Variants in EIF4E3 observed in about 807,000 individuals in gnomAD.
EIF4E3 encodes eukaryotic translation initiation factor 4E type 3.
Under a neutral mutation model 31.7 loss-of-function variants are expected in EIF4E3, and 26 were observed. That is an observed-to-expected ratio of 0.82 (90% confidence interval 0.60 to 1.14). The LOEUF (loss-of-function observed/expected upper bound fraction) is 1.14, where lower values mean the gene tolerates loss of function less well. EIF4E3 is among the 50% of genes most tolerant of loss of function. The pLI, the probability that EIF4E3 is intolerant of heterozygous loss-of-function variation, is 0.00. For synonymous variants in EIF4E3, 128 were observed against 107.7 expected (o/e 1.19, Z -1.17); for missense variants, 304 against 270.9 (o/e 1.12, Z -0.86).
chr3:71,683,131 G>A lies in EIF4E3; in HGVS notation c.*1551C>T, dbSNP rs2048943847. 1 of 152,026 alleles carries A rather than the reference G, an allele frequency of 6.6e-6. No homozygotes were observed. The highest frequency in any genetic ancestry group is 2.1e-4 in the South Asian group (1 of 4,830). The allele number at this position is 152,026 out of a possible 1,614,324, so 9.4% of individuals were successfully genotyped here. A position where few individuals can be genotyped will look rare whatever the true frequency, so the allele number is the denominator to read the frequency against. On this transcript the variant is annotated 3_prime_UTR_variant, in exon 7 of 7. Transcript: ENST00000425534. ...CATTTTAAGAAACCTATGATGGTAA[G>A]TATTATGGCTGAGGTGGTTACTAAC...
At chr3:71,710,728 A>C (rs1357572921) in intron 1 of EIF4E3, among the ~76,000 whole-genome samples, 1 of 152,220 alleles carries the variant, frequency 6.6e-6, no homozygotes, top group Non-Finnish European at 1.5e-5. Flanking sequence ...AAAGATAAGT[A>C]TGTATTAATA....
chr3:71,745,222 C>T (rs752541348), intron 1 of EIF4E3, among the ~76,000 whole-genome samples: 50 of 152,292 alleles, frequency 3.3e-4, no homozygotes, highest in Middle Eastern at 3.4e-3. Context: ...TAAATAAAAA[C>T]CCAATGCAAA....
chr3:71,667,499 ACCC>A, the EIF4E3 span, among the ~76,000 whole-genome samples: 2 of 151,708 alleles, frequency 1.3e-5, no homozygotes, highest in African/African-American at 4.8e-5. Context: ...TAGTTAGAAA[ACCC>A]CCCATTGTCT....
chr3:71,724,685 C>A (rs964149579), intron 1 of EIF4E3, among the ~76,000 whole-genome samples: 4 of 152,206 alleles, frequency 2.6e-5, no homozygotes, highest in Non-Finnish European at 4.4e-5. Flanking sequence ...ACGGCAGCAG[C>A]GGCCGGACAC....
chr3:71,749,432 C>G (rs1356876159), intron 1 of EIF4E3, among the ~76,000 whole-genome samples: 4 of 152,220 alleles, frequency 2.6e-5, no homozygotes, highest in East Asian at 1.9e-4. Flanking sequence ...TAGACTTTGG[C>G]TCACTTTTTC....
At chr3:71,685,838 C>A (rs187008769) in intron 6 of EIF4E3, among the ~76,000 whole-genome samples, 6 of 152,310 alleles carry the variant, frequency 3.9e-5, no homozygotes, top group African/African-American at 1.2e-4. Flanking sequence ...CAGGAAGCAA[C>A]GTCTGATAAA....
intron 2 of EIF4E3, among the ~76,000 whole-genome samples, chr3:71,705,610 C>T (rs761656784): frequency 2.4e-4 from 37 of 152,094 alleles, no homozygotes; most frequent in Admixed American, 2.4e-3. Context: ...GGCGATACAC[C>T]AAATAACTGA....
intron 1 of EIF4E3, among the ~76,000 whole-genome samples, chr3:71,711,146 G>T (rs2049372993): frequency 6.6e-6 from 1 of 152,194 alleles, no homozygotes; most frequent in Non-Finnish European, 1.5e-5. Flanking sequence ...TTAGTCACCA[G>T]AAACACTGCA....
At chr3:71,716,474 C>G (rs894959650) in intron 1 of EIF4E3, among the ~76,000 whole-genome samples, 2 of 152,160 alleles carry the variant, frequency 1.3e-5, no homozygotes, top group African/African-American at 4.8e-5. Context: ...ACCTCGTGAT[C>G]CACCTGCCTC....
intron 1 of EIF4E3, among the ~76,000 whole-genome samples, chr3:71,735,913 A>G (rs1189984253): frequency 1.3e-5 from 2 of 152,242 alleles, no homozygotes; most frequent in Non-Finnish European, 2.9e-5. Flanking sequence ...TCAAATAAAA[A>G]TACCAATAGC....
chr3:71,669,468 C>T, the EIF4E3 span, among the ~76,000 whole-genome samples: 3,987 of 152,148 alleles, frequency 0.026, 84 homozygotes, highest in African/African-American at 0.046. Context: ...ACATTTTGTC[C>T]CCCAACAATT....
chr3:71,754,604 CT>C, upstream of EIF4E3: 1 of 1,444,306 alleles, frequency 6.9e-7, no homozygotes, highest in Non-Finnish European at 9.1e-7. This position sits in a 1 kb window ranked among gnomAD's most constrained non-coding sequence, Gnocchi z 5.8. Flanking sequence ...GCGCGCTGGG[CT>C]TCCTGCTGCT....
the EIF4E3 span, among the ~76,000 whole-genome samples, chr3:71,663,670 CA>C: frequency 6.6e-6 from 1 of 152,222 alleles, no homozygotes; most frequent in Non-Finnish European, 1.5e-5. Context: ...ACTGGATCAC[CA>C]AACTCTCAGG....
At chr3:71,738,978 G>GTATATATATA (rs56982495) in intron 1 of EIF4E3, among the ~76,000 whole-genome samples, 1,599 of 95,636 alleles carry the variant, frequency 0.017, 47 homozygotes, top group Non-Finnish European at 0.023. Flanking sequence ...AAATTGAACA[G>GTATATATATA]TATATATATA....
intron 1 of EIF4E3, among the ~76,000 whole-genome samples, chr3:71,738,468 A>C (rs1225382379): frequency 6.6e-6 from 1 of 152,220 alleles, no homozygotes; most frequent in African/African-American, 2.4e-5. Context: ...AAAATGAAAA[A>C]AGAGATATCA....
At chr3:71,693,536 T>C (rs1373913231) in intron 5 of EIF4E3, among the ~76,000 whole-genome samples, 5 of 152,172 alleles carry the variant, frequency 3.3e-5, no homozygotes, top group Admixed American at 1.3e-4. Flanking sequence ...CCAATTGTGT[T>C]AAGGGCCCAG....
At chr3:71,749,401 T>C (rs1407365150) in intron 1 of EIF4E3, among the ~76,000 whole-genome samples, 1 of 152,260 alleles carries the variant, frequency 6.6e-6, no homozygotes, top group Non-Finnish European at 1.5e-5. Context: ...TGCCCTTTGA[T>C]AATCCAACAT....
At chr3:71,741,194 G>GCGCACACACACACA (rs1553669128) in intron 1 of EIF4E3, among the ~76,000 whole-genome samples, 2 of 149,224 alleles carry the variant, frequency 1.3e-5, no homozygotes, top group African/African-American at 4.9e-5. Context: ...ACATGCACGC[G>GCGCACACACACACA]CACACACACA....
intron 1 of EIF4E3, among the ~76,000 whole-genome samples, chr3:71,733,872 T>C (rs1055195955): frequency 6.7e-6 from 1 of 148,220 alleles, no homozygotes; most frequent in Admixed American, 6.7e-5. Flanking sequence ...AGCTGCATTA[T>C]TTGTTTTCTA....
Sources: gnomAD v4.1 joint callset for allele counts (sites outside exome capture counted in the v4.1 genomes callset) on GRCh38, gnomAD v4.1.1 for gene constraint, Gnocchi (gnomAD v3.1) non-coding constraint, MANE v1.5 for transcripts, NCBI Gene and HGNC (gene_info 2026-07-23, HGNC 2026-07-21) for gene names.